MAGI2: variants seen among roughly 807,000 people sequenced by gnomAD.
MAGI2 encodes the protein membrane associated guanylate kinase, WW and PDZ domain containing 2, also known as membrane-associated guanylate kinase, WW and PDZ domain-containing protein 2.
MAGI2 carries 35 observed loss-of-function variants against 133.3 expected under a neutral mutation model. That is an observed-to-expected ratio of 0.26 (90% confidence interval 0.20 to 0.35). The LOEUF is 0.35. MAGI2 is among the 10% of genes least tolerant of loss of function. The pLI, the probability that MAGI2 is intolerant of heterozygous loss-of-function variation, is 1.00. For missense variants in MAGI2, 1,636 were observed against 1,863.4 expected, an observed-to-expected ratio of 0.88 and a Z score of 2.25; for synonymous variants, 729 against 710.6, an observed-to-expected ratio of 1.03 and a Z score of -0.41.
chr7:79,044,224 A>G lies in MAGI2; in HGVS notation c.302-37018T>C, dbSNP rs11974773. On this transcript the variant is annotated intron_variant, in intron 1 of 21. Transcript: ENST00000354212. ...AAATACAGCAGCACATAAAAAAGAT[A>G]ATTTACCATGATCAAGTGGGCTTCA... Among the ~76,000 whole-genome samples the G allele has an allele frequency of 3.6e-3, 545 of 152,298 alleles. 1 individual carries two copies. The highest frequency in any genetic ancestry group is 0.013 in the African/African-American group (529 of 41,574).
chr7:78,729,381 T>G (rs1821149510), intron 2 of MAGI2, among the ~76,000 whole-genome samples: 1 of 152,180 alleles, frequency 6.6e-6, no homozygotes, highest in South Asian at 2.1e-4. Flanking sequence ...CATTCATCTA[T>G]CTAATGAAAC....
intron 3 of MAGI2, among the ~76,000 whole-genome samples, chr7:78,562,975 C>T: frequency 6.7e-6 from 1 of 148,268 alleles, no homozygotes. Context: ...CTCTTTGTCT[C>T]TTTGTGAGTT....
In MAGI2 at chr7:79,028,257, ATATATATATATG is replaced by A. The variant is rs1489639454; in HGVS notation, c.302-21063_302-21052del. On this transcript the variant is annotated intron_variant, in intron 1 of 21. Transcript: ENST00000354212. ...TATGTATATATATATATATATATAT[ATATATATATATG>A]TATGTATGTATATATATATATATGT... Among the ~76,000 whole-genome samples, 90 of 22,300 alleles carry A rather than the reference ATATATATATATG, an allele frequency of 4.0e-3. 2 individuals carry two copies. Among genetic ancestry groups the A allele is most frequent in the African/African-American group, 0.011 (86 of 7,646 alleles). The allele number at this position is 22,300 out of a possible 152,430, so 14.6% of individuals were successfully genotyped here.
chr7:78,374,950 G>T (rs1220385687), intron 6 of MAGI2, among the ~76,000 whole-genome samples: 1 of 151,504 alleles, frequency 6.6e-6, no homozygotes, highest in Admixed American at 6.6e-5. Context: ...AGCAATTCTT[G>T]TTCCTCAGCC....
At chr7:79,393,515 A>T (rs915500233) in intron 1 of MAGI2, among the ~76,000 whole-genome samples, 3 of 152,120 alleles carry the variant, frequency 2.0e-5, no homozygotes, top group African/African-American at 7.2e-5. Context: ...TAAGTTTTAT[A>T]AAAAAATTAA....
At chr7:79,270,234 G>A (rs1050885891) in intron 1 of MAGI2, among the ~76,000 whole-genome samples, 2 of 152,112 alleles carry the variant, frequency 1.3e-5, no homozygotes, top group Non-Finnish European at 2.9e-5. Context: ...CCTAACCTCT[G>A]AGCCTTTGGG....
chr7:78,803,437 G>A (rs1330833534), intron 2 of MAGI2, among the ~76,000 whole-genome samples: 3 of 152,050 alleles, frequency 2.0e-5, no homozygotes, highest in African/African-American at 7.2e-5. Context: ...AATCCAAACC[G>A]AAACATCAGT....
At chr7:78,991,889 T>C (rs968088599) in intron 2 of MAGI2, among the ~76,000 whole-genome samples, 1 of 152,056 alleles carries the variant, frequency 6.6e-6, no homozygotes, top group African/African-American at 2.4e-5. Flanking sequence ...AAGAAAACCT[T>C]TGATATTTCA....
chr7:79,209,927 C>T (rs907962324), intron 1 of MAGI2, among the ~76,000 whole-genome samples: 2 of 151,920 alleles, frequency 1.3e-5, no homozygotes, highest in East Asian at 1.9e-4. Context: ...TAACTGAACT[C>T]TATTTTATTT....
chr7:78,272,553 C>T (rs187358522), intron 9 of MAGI2, among the ~76,000 whole-genome samples: 99 of 152,112 alleles, frequency 6.5e-4, no homozygotes, highest in African/African-American at 2.0e-3. Context: ...TAAAGTCTCC[C>T]GTTATTATTG....
chr7:78,510,180 A>G (rs957797579), intron 4 of MAGI2, among the ~76,000 whole-genome samples: 2 of 152,206 alleles, frequency 1.3e-5, no homozygotes, highest in Non-Finnish European at 2.9e-5. Context: ...CCCGATAACA[A>G]CAGTCTCCAT....
chr7:78,805,868 C>A (rs759369256), intron 2 of MAGI2, among the ~76,000 whole-genome samples: 27 of 152,142 alleles, frequency 1.8e-4, no homozygotes, highest in Non-Finnish European at 2.6e-4. Context: ...GCGGATCTTG[C>A]AACACCAGTC....
At chr7:78,860,873 G>A (rs1412120603) in intron 2 of MAGI2, among the ~76,000 whole-genome samples, 2 of 152,152 alleles carry the variant, frequency 1.3e-5, no homozygotes, top group Non-Finnish European at 2.9e-5. Context: ...AGGCCTCCTT[G>A]AGCTGCAGTG....
chr7:79,321,192 A>C (rs147908389), intron 1 of MAGI2, among the ~76,000 whole-genome samples: 1 of 152,152 alleles, frequency 6.6e-6, no homozygotes, highest in Non-Finnish European at 1.5e-5. Flanking sequence ...AATAAGTGAA[A>C]ATAGATTTAC....
chr7:79,413,670 C>T (rs1250647157), intron 1 of MAGI2: 1 of 151,860 alleles, frequency 6.6e-6, no homozygotes, highest in African/African-American at 2.4e-5. Context: ...GTTATTTCTT[C>T]TTTCATCCTC....
chr7:78,492,250 T>G (rs1200802283), intron 5 of MAGI2, among the ~76,000 whole-genome samples: 2 of 152,122 alleles, frequency 1.3e-5, no homozygotes, highest in Non-Finnish European at 2.9e-5. Context: ...GCTGATTTTT[T>G]TTAGGTTGAA....
intron 1 of MAGI2, among the ~76,000 whole-genome samples, chr7:79,260,952 A>G (rs1037143838): frequency 6.6e-6 from 1 of 152,214 alleles, no homozygotes; most frequent in African/African-American, 2.4e-5. Context: ...TAGAGGTCCA[A>G]ACATGGATAA....
chr7:79,242,941 G>T (rs933803550), intron 1 of MAGI2, among the ~76,000 whole-genome samples: 2 of 152,082 alleles, frequency 1.3e-5, no homozygotes, highest in Non-Finnish European at 2.9e-5. Flanking sequence ...AAGTGGCTAG[G>T]CACAGTGGCT....
chr7:78,690,774 T>G (rs1340196892), intron 2 of MAGI2, among the ~76,000 whole-genome samples: 1 of 152,202 alleles, frequency 6.6e-6, no homozygotes, highest in Admixed American at 6.5e-5. Context: ...GAAAACTTTT[T>G]AATGATTGCT....
Sources: allele counts gnomAD v4.1 joint callset (sites outside exome capture counted in the v4.1 genomes callset), GRCh38; gene constraint gnomAD v4.1.1; transcripts MANE v1.5; gene names NCBI Gene and HGNC (gene_info 2026-07-23, HGNC 2026-07-21).